KLF7: variants seen among roughly 807,000 people sequenced by gnomAD.
KLF7 encodes the protein KLF transcription factor 7, also known as Krueppel-like factor 7.
KLF7 carries 2 observed loss-of-function variants against 27.3 expected under a neutral mutation model. The ratio of observed to expected loss-of-function variants is 0.07; its 90% confidence interval spans 0.03 to 0.23. The LOEUF is 0.23. KLF7 is among the 10% of genes least tolerant of loss of function. KLF7 has a pLI of 1.00. For missense variants in KLF7, 221 were observed against 394.1 expected (o/e 0.56, Z 3.72); for synonymous variants, 165 against 162.4 (o/e 1.02, Z -0.12).
At chr2:207,127,609 A>G (rs12694078) in intron 1 of KLF7, among the ~76,000 whole-genome samples, 42,548 of 152,088 alleles carry the variant, frequency 0.28, 6,556 homozygotes, top group Admixed American at 0.41. Flanking sequence ...TGGGAGGTTG[A>G]GGCAGATGGA....
intron 3 of KLF7, 112 bp from the exon 4 acceptor site, chr2:207,081,376 T>C (rs2076268394): frequency 1.9e-5 from 18 of 939,268 alleles, no homozygotes; most frequent in Non-Finnish European, 3.1e-5. Context: ...TGCACATGCA[T>C]TGAGAAACAG....
At chr2:207,100,889 G>A (rs2105907763) in intron 2 of KLF7, among the ~76,000 whole-genome samples, 1 of 152,294 alleles carries the variant, frequency 6.6e-6, no homozygotes, top group South Asian at 2.1e-4. Flanking sequence ...TCTAGTGTAT[G>A]TCCAGGCACT....
At chr2:207,166,957 T>C, upstream of KLF7, 7 of 550,212 alleles carry the variant, frequency 1.3e-5, no homozygotes, top group East Asian at 7.3e-5. Context: ...GCCGCCGCCC[T>C]CCCTCCCGCG....
chr2:207,101,214 T>C (rs1447027091), intron 2 of KLF7, among the ~76,000 whole-genome samples: 1 of 152,246 alleles, frequency 6.6e-6, no homozygotes, highest in Non-Finnish European at 1.5e-5. Context: ...CCAGCATTAA[T>C]TGTTGGTTCA....
intron 2 of KLF7, among the ~76,000 whole-genome samples, chr2:207,088,910 A>C (rs2076449256): frequency 6.6e-6 from 1 of 152,170 alleles, no homozygotes; most frequent in African/African-American, 2.4e-5. Context: ...TCCCCGGAGC[A>C]CTTTCACCCC....
At chr2:207,166,780 C>T (rs1259851935), upstream of KLF7, 15 of 992,244 alleles carry the variant, frequency 1.5e-5, no homozygotes, top group Non-Finnish European at 1.8e-5. Context: ...GAAAAGGCAT[C>T]CAGGGCCCCT....
At chr2:207,140,168 T>G (rs568374201) in intron 1 of KLF7, among the ~76,000 whole-genome samples, 13 of 152,340 alleles carry the variant, frequency 8.5e-5, no homozygotes, top group African/African-American at 3.1e-4. Flanking sequence ...ATTACAGGCA[T>G]GAGCCACTGG....
chr2:207,112,607 T>C (rs2077067802), intron 2 of KLF7, among the ~76,000 whole-genome samples: 2 of 152,192 alleles, frequency 1.3e-5, no homozygotes, highest in Non-Finnish European at 2.9e-5. Context: ...AACAGCTCCT[T>C]CCCAGGGGAA....
chr2:207,134,157 T>A, intron 1 of KLF7: 1 of 1,399,688 alleles, frequency 7.1e-7, no homozygotes, highest in South Asian at 1.4e-5. Context: ...TACTGGGATT[T>A]TTTTTTTTTT....
At chr2:207,107,672 A>G (rs1313223673) in intron 2 of KLF7, among the ~76,000 whole-genome samples, 2 of 152,146 alleles carry the variant, frequency 1.3e-5, no homozygotes, top group East Asian at 1.9e-4. Flanking sequence ...TTTGTGTGCA[A>G]TTTCCTTCCC....
chr2:207,082,250 T>C (rs767159338), intron 3 of KLF7, among the ~76,000 whole-genome samples: 1 of 152,166 alleles, frequency 6.6e-6, no homozygotes, highest in Non-Finnish European at 1.5e-5. Context: ...TAAAGGCCAA[T>C]GAGAACCAGC....
At chr2:207,101,316 T>C (rs1010203150) in intron 2 of KLF7, among the ~76,000 whole-genome samples, 4 of 152,190 alleles carry the variant, frequency 2.6e-5, no homozygotes, top group African/African-American at 9.7e-5. Flanking sequence ...GAAAGCACCA[T>C]GCATACATAC....
intron 2 of KLF7, among the ~76,000 whole-genome samples, chr2:207,100,122 G>A (rs999431980): frequency 1.4e-5 from 2 of 144,128 alleles, no homozygotes; most frequent in African/African-American, 5.3e-5. Context: ...GGGTGACAGA[G>A]CGAGACCATG....
intron 2 of KLF7, among the ~76,000 whole-genome samples, chr2:207,110,482 T>C (rs17282699): frequency 0.24 from 36,400 of 152,258 alleles, 5,074 homozygotes; most frequent in Middle Eastern, 0.32. Flanking sequence ...GGTGTGGCTC[T>C]TCAGTGCGTG....
intron 2 of KLF7, among the ~76,000 whole-genome samples, chr2:207,110,666 G>C (rs1256961488): frequency 6.6e-6 from 1 of 152,232 alleles, no homozygotes; most frequent in Non-Finnish European, 1.5e-5. Context: ...CTTCAATCTA[G>C]AAGGTTAAGC....
In KLF7 at chr2:207,102,125, T is replaced by TACACA. The variant is rs1553522202; in HGVS notation, c.734-13545_734-13544insTGTGT. ...ACCACCCGTGAAAGCTACATTCACA[T>TACACA]TCACACACACACACACACACACACA... On this transcript the variant is annotated intron_variant, in intron 2 of 3. Coordinates refer to ENST00000309446, the MANE Select transcript of KLF7 (RefSeq NM_003709.4). 4.9e-5 allele frequency among the ~76,000 whole-genome samples: 6 copies of TACACA among 121,310 alleles called. No individual in the cohort carries two copies. The East Asian group carries it at 1.0e-3, about 21-fold the overall frequency. 79.6% of individuals were successfully genotyped at this position (121,310 alleles called of 152,430 possible). A position where few individuals can be genotyped will look rare whatever the true frequency, so the allele number is the denominator to read the frequency against.
chr2:207,125,486 T>G (rs1414450631), intron 1 of KLF7, among the ~76,000 whole-genome samples: 2 of 152,212 alleles, frequency 1.3e-5, no homozygotes, highest in East Asian at 1.9e-4. Flanking sequence ...AGTTCCAAAT[T>G]TACTGCCCCC....
intron 2 of KLF7, among the ~76,000 whole-genome samples, chr2:207,116,636 T>C (rs1157608846): frequency 5.9e-5 from 9 of 152,176 alleles, no homozygotes; most frequent in Non-Finnish European, 8.8e-5. Context: ...CATATTATAA[T>C]AGAAACAGCC....
chr2:207,156,150 T>C lies in KLF7; in HGVS notation c.102+9317A>G, dbSNP rs369167430. On this transcript the variant is annotated intron_variant, in intron 1 of 3. Transcript: ENST00000309446. ...CCAACCATACCCCCATCAAAGACAG[T>C]TTACAGATGAAAGGATGTAGCTACA... Among the ~76,000 whole-genome samples, 43 of 152,290 alleles carry C rather than the reference T, an allele frequency of 2.8e-4. 1 individual carries two copies. In the East Asian group the frequency reaches 7.9e-3, roughly 28 times the overall value.
Sources: gnomAD v4.1 joint callset for allele counts (sites outside exome capture counted in the v4.1 genomes callset) on GRCh38, gnomAD v4.1.1 for gene constraint, MANE v1.5 for transcripts, NCBI Gene and HGNC (gene_info 2026-07-23, HGNC 2026-07-21) for gene names.